Variants in FAM217A observed in about 807,000 individuals in gnomAD.
FAM217A encodes protein FAM217A.
Under a neutral mutation model 18.5 loss-of-function variants are expected in FAM217A, and 13 were observed. The ratio of observed to expected loss-of-function variants is 0.70; its 90% CI spans 0.46 to 1.12. FAM217A has a LOEUF of 1.12. FAM217A is among the 50% of genes most tolerant of loss of function. The pLI is 0.00. For missense variants in FAM217A, 560 were observed against 575.4 expected (o/e 0.97, Z 0.27); for synonymous variants, 161 against 202.8 (o/e 0.79, Z 1.75).
In FAM217A at chr6:4,069,522, A is replaced by G. The variant is rs1378185589; in HGVS notation, c.701T>C (p.Val234Ala). Residue 234 changes from valine (V) to alanine (A), a missense_variant, in exon 7 of 7, where the codon GTT becomes GCT. By Grantham distance (64) the Val-to-Ala change is moderately conservative. Coordinates refer to ENST00000274673, the MANE Select transcript of FAM217A (RefSeq NM_173563.3). Reference protein sequence around the residue: ...LNLKPETIKNVEEPFTEEPNE... With the variant: ...LNLKPETIKNAEEPFTEEPNE... ...TGGCTCCTCGGTGAAAGGTTCCTCA[A>G]CATTTTTTATTGTTTCTGGCTTCAA... The G allele has an allele frequency of 1.2e-6, 2 of 1,614,188 alleles. No individual in the cohort carries two copies. Among genetic ancestry groups the G allele is most frequent in the South Asian group, 2.2e-5 (2 of 91,074 alleles).
chr6:4,074,249 AATACTTAAT>A (rs1489187435), intron 4 of FAM217A, among the ~76,000 whole-genome samples, 185 bp downstream of exon 4: 1 of 152,238 alleles, frequency 6.6e-6, no homozygotes, highest in Admixed American at 6.5e-5. Context: ...TATACTGAAA[AATACTTAAT>A]ATAACAAAAT....
chr6:4,086,663 C>T (rs1041091979), intron 1 of FAM217A, among the ~76,000 whole-genome samples: 1 of 152,156 alleles, frequency 6.6e-6, no homozygotes, highest in Non-Finnish European at 1.5e-5. Flanking sequence ...TGCTTCTCAC[C>T]AGCCTGCAGT....
intron 1 of FAM217A, among the ~76,000 whole-genome samples, chr6:4,078,203 A>G (rs1465402411): frequency 6.6e-6 from 1 of 151,834 alleles, no homozygotes; most frequent in Non-Finnish European, 1.5e-5. Flanking sequence ...ACAGGCGAGC[A>G]CCACTACGCC....
In FAM217A at chr6:4,069,499, G is replaced by A; in HGVS notation, c.724C>T (p.Pro242Ser). ...KNVEEPFTEE[P>S]NEVFPYPDFL... The stretch of plus-strand genomic sequence containing the variant: ...TCAGGATATGGAAATACTTCATTTG[G>A]CTCCTCGGTGAAAGGTTCCTCAACA... The change falls in exon 7 of 7, where the codon CCA becomes TCA. Residue 242 changes from proline to serine, a missense_variant. Physicochemically the swap from Pro to Ser is moderately conservative, Grantham distance 74 (BLOSUM62 -1). Coordinates refer to ENST00000274673, the MANE Select transcript of FAM217A (RefSeq NM_173563.3). 1.9e-6 allele frequency: 3 copies of A among 1,614,110 alleles called. No homozygotes were observed. In the South Asian group the frequency reaches 3.3e-5, roughly 18 times the overall value.
chr6:4,069,872 A>C lies in FAM217A; in HGVS notation c.351T>G (p.His117Gln), dbSNP rs768537735. 24 of 1,603,796 alleles carry C rather than the reference A, an allele frequency of 1.5e-5. No individual in the cohort carries two copies. The highest frequency in any genetic ancestry group is 1.8e-5 in the Non-Finnish European group (21 of 1,176,380). The part of the protein sequence containing the change: ...SVETGFNVIN[H>Q]PIRVFTLNHP... ...GGTTCAGAGTGAAGACCCTTATAGG[A>C]TGATTGATTACATTAAAGCCAGTTT... is the stretch of plus-strand genomic sequence containing the variant. The change falls in exon 7 of 7, where the codon CAT becomes CAG. Residue 117 changes from histidine (H) to glutamine (Q), a missense_variant. Coordinates refer to ENST00000274673, the MANE Select transcript of FAM217A (RefSeq NM_173563.3).
intron 5 of FAM217A, 23 bp from the exon 6 acceptor site, chr6:4,073,365 T>A (rs1338749066): frequency 6.3e-7 from 1 of 1,597,566 alleles, no homozygotes; most frequent in East Asian, 2.2e-5. Context: ...AAATAATGGG[T>A]AATAGTTTAG....
chr6:4,074,601 C>G lies in FAM217A; in HGVS notation c.121G>C (p.Ala41Pro). ...VPVSENKNLP[A>P]GRDGAAGGKI... The stretch of plus-strand genomic sequence containing the variant: ...CCACCTGCTGCTCCATCCCTTCCAG[C>G]TGGGAGGTTTTTATTTTCAGAAACA... Residue 41 changes from alanine to proline, a missense_variant, in exon 3 of 7, where the codon GCT becomes CCT. Physicochemically the swap from Ala to Pro is conservative, Grantham distance 27 (BLOSUM62 -1). Transcript: ENST00000274673. 6.2e-7 allele frequency: 1 copy of G among 1,613,708 alleles called. No homozygotes were observed. Among genetic ancestry groups the G allele is most frequent in the Non-Finnish European group, 8.5e-7 (1 of 1,179,702 alleles).
chr6:4,081,777 C>G (rs896005855), upstream of FAM217A, among the ~76,000 whole-genome samples: 2 of 152,232 alleles, frequency 1.3e-5, no homozygotes, highest in Admixed American at 1.3e-4. Flanking sequence ...AAATGTTCCC[C>G]GCTCTTGAGA....
upstream of FAM217A, among the ~76,000 whole-genome samples, chr6:4,083,280 G>T (rs1020357344): frequency 6.6e-6 from 1 of 152,198 alleles, no homozygotes; most frequent in Non-Finnish European, 1.5e-5. Context: ...CGATGACACT[G>T]ACTACCACGT....
rs773268608 is a variant in FAM217A at position 4,068,964 on chromosome 6, ATAG to A, written c.1256_1258del (p.Thr419del). The stretch of plus-strand genomic sequence containing the variant: ...AACCATTGATTGATTTGTATGGCCA[ATAG>A]TAGGTTTGAATGAGAGTTCTTGGCA... On this transcript the variant is annotated inframe_deletion, in exon 7 of 7. Coordinates refer to ENST00000274673, the MANE Select transcript of FAM217A (RefSeq NM_173563.3). The A allele has an allele frequency of 8.1e-6, 13 of 1,614,040 alleles. No individual in the cohort carries two copies. The highest frequency in any genetic ancestry group is 1.3e-5 in the African/African-American group (1 of 74,926).
At chr6:4,074,283 C>T (rs1769618629) in intron 4 of FAM217A, among the ~76,000 whole-genome samples, 160 bp downstream of exon 4, 1 of 152,002 alleles carries the variant, frequency 6.6e-6, no homozygotes, top group Admixed American at 6.5e-5. Flanking sequence ...ATTTAATAAC[C>T]AACTTGAAAC....
chr6:4,077,168 T>C (rs1371454429), intron 2 of FAM217A, among the ~76,000 whole-genome samples, 187 bp downstream of exon 2: 1 of 152,232 alleles, frequency 6.6e-6, no homozygotes, highest in African/African-American at 2.4e-5. Context: ...CTGGCTAATT[T>C]TCCCTTTGTT....
upstream of FAM217A, among the ~76,000 whole-genome samples, chr6:4,080,670 C>G (rs1770227979): frequency 6.6e-6 from 1 of 152,182 alleles, no homozygotes; most frequent in South Asian, 2.1e-4. Flanking sequence ...AATTCTGCAG[C>G]CATCCCTTAG....
chr6:4,082,347 G>A (rs559458059), upstream of FAM217A, among the ~76,000 whole-genome samples: 18 of 152,124 alleles, frequency 1.2e-4, no homozygotes, highest in Non-Finnish European at 1.9e-4. Context: ...TGAAGGCTTC[G>A]GAAATAGCCT....
chr6:4,085,000 G>C (rs1055761163), intron 1 of FAM217A, among the ~76,000 whole-genome samples: 1 of 152,122 alleles, frequency 6.6e-6, no homozygotes, highest in African/African-American at 2.4e-5. Context: ...AAAAACTTGC[G>C]AGAAAATAAT....
chr6:4,083,557 CT>C (rs71001554), upstream of FAM217A, among the ~76,000 whole-genome samples: 33 of 139,830 alleles, frequency 2.4e-4, no homozygotes, highest in South Asian at 2.4e-4. Flanking sequence ...CTTTTCTTTT[CT>C]TTTTTTTTTT....
intron 4 of FAM217A, 57 bp from the exon 5 acceptor site, chr6:4,073,564 C>A: frequency 7.3e-7 from 1 of 1,376,818 alleles, no homozygotes; most frequent in South Asian, 1.2e-5. Context: ...TATTCTTGTT[C>A]TAACAATGTA....
chr6:4,078,911 G>C lies in FAM217A; in HGVS notation c.-94C>G, dbSNP rs890106516. On this transcript the variant is annotated 5_prime_UTR_variant, in exon 1 of 7. Transcript: ENST00000274673. ...CTCCCGGTGCGCCGCCCCGAGGCCCGAGCGCCTCCGCGTGCGTGGCTGACG... is the reference window on the plus strand; with the variant it reads ...CTCCCGGTGCGCCGCCCCGAGGCCCCAGCGCCTCCGCGTGCGTGGCTGACG... The C allele has an allele frequency of 3.4e-6, 2 of 584,180 alleles. No homozygotes were observed. Among genetic ancestry groups the C allele is most frequent in the Non-Finnish European group, 6.2e-6 (2 of 325,186 alleles). 36.2% of individuals were successfully genotyped at this position (584,180 alleles called of 1,614,324 possible).
chr6:4,070,298 A>G (rs1022734704), intron 6 of FAM217A, among the ~76,000 whole-genome samples: 1 of 152,208 alleles, frequency 6.6e-6, no homozygotes, highest in Non-Finnish European at 1.5e-5. Context: ...TCAAACTGAA[A>G]TTAAAGTGAA....
Sources: gnomAD v4.1 joint callset for allele counts (sites outside exome capture counted in the v4.1 genomes callset) on GRCh38, gnomAD v4.1.1 for gene constraint, MANE v1.5 for transcripts, NCBI Gene and HGNC (gene_info 2026-07-23, HGNC 2026-07-21) for gene names.